The following PDIA3 variants were observed in gnomAD, a reference collection of about 807,000 sequenced individuals.
PDIA3 encodes protein disulfide isomerase family A member 3.
In PDIA3, 16 loss-of-function variants were observed where a neutral mutation model predicts 56.9. The observed-to-expected ratio is 0.28, with a 90% CI of 0.19 to 0.43. The LOEUF (loss-of-function observed/expected upper bound fraction) is 0.43, where lower values mean the gene tolerates loss of function less well. PDIA3 is among the 20% of genes least tolerant of loss of function. The probability of loss-of-function intolerance (pLI) is 1.00; values close to 1 mark genes in which losing one functional copy is unlikely to be tolerated. For missense variants in PDIA3, 485 were observed against 621.3 expected (o/e 0.78, Z 2.33); for synonymous variants, 192 against 216.5 (o/e 0.89, Z 0.99).
Position 43,746,452 on chromosome 15 carries a change from A to C in PDIA3, c.-88A>C. The C allele has an allele frequency of 1.7e-5, 22 of 1,289,158 alleles. No homozygotes were observed. Among genetic ancestry groups the C allele is most frequent in the Non-Finnish European group, 2.0e-5 (20 of 982,020 alleles). The allele number at this position is 1,289,158 out of a possible 1,614,324, so 79.9% of individuals were successfully genotyped here. ...CCGCCTGGGCCAGACGCGCGAGCGC[A>C]AGCAGCGGGTTAGTGGTCGCGCGCC... On this transcript the variant is annotated 5_prime_UTR_variant, in exon 1 of 13. Coordinates refer to ENST00000300289, the MANE Select transcript of PDIA3 (RefSeq NM_005313.5).
At chr15:43,753,405 G>T (rs1596019024) in intron 1 of PDIA3, among the ~76,000 whole-genome samples, 1 of 152,004 alleles carries the variant, frequency 6.6e-6, no homozygotes. Context: ...GGTTTCCCAG[G>T]GAATTGTATT....
At chr15:43,756,278 C>A (rs538938253) in intron 2 of PDIA3, among the ~76,000 whole-genome samples, 315 of 152,258 alleles carry the variant, frequency 2.1e-3, no homozygotes, top group South Asian at 4.6e-3. Flanking sequence ...ATCGATATAT[C>A]CCCTTGGTGA....
At chr15:43,756,139 C>T (rs1392985952) in intron 2 of PDIA3, among the ~76,000 whole-genome samples, 1 of 152,104 alleles carries the variant, frequency 6.6e-6, no homozygotes, top group East Asian at 1.9e-4. Context: ...CTCACTAGAT[C>T]GGTTATGTTA....
chr15:43,768,443 C>A (rs769490554), intron 8 of PDIA3, 46 bp from the exon 9 acceptor site: 2 of 1,369,568 alleles, frequency 1.5e-6, no homozygotes, highest in Non-Finnish European at 2.1e-6. Flanking sequence ...ATTTTCTCAG[C>A]GGTGGGAATA....
At position 43,771,020 on chromosome 15, in the gene PDIA3, C is replaced by G. The variant is rs1007037792; in HGVS notation, c.1405-85C>G. Reference sequence around the variant, plus strand: ...ATATGTGGCTGCTAATATGCTTTTACAAACTCAGAAGTCTTCCTGTTTGGG... The same window carrying G: ...ATATGTGGCTGCTAATATGCTTTTAGAAACTCAGAAGTCTTCCTGTTTGGG... On this transcript the variant is annotated intron_variant, in intron 12 of 12. Transcript: ENST00000300289. 7 of 844,290 alleles carry G rather than the reference C, an allele frequency of 8.3e-6. No homozygotes were observed. In the African/African-American group the frequency reaches 8.6e-5, roughly 10 times the overall value. The allele number at this position is 844,290 out of a possible 1,614,324, so 52.3% of individuals were successfully genotyped here.
At chr15:43,766,689 C>T (rs774456614) in intron 7 of PDIA3, 39 bp from the exon 8 acceptor site, 2 of 1,573,096 alleles carry the variant, frequency 1.3e-6, no homozygotes, top group Admixed American at 3.4e-5. Context: ...CTTGACCACC[C>T]TGTATAGTCT....
chr15:43,747,641 G>T (rs1260596280), intron 1 of PDIA3, among the ~76,000 whole-genome samples: 1 of 152,010 alleles, frequency 6.6e-6, no homozygotes, highest in East Asian at 1.9e-4. Context: ...TTATCCTGGG[G>T]ATAGCTCTCT....
rs556338099 is a variant in PDIA3 at position 43,751,531 on chromosome 15, A to G, written c.168-2293A>G. The G allele has an allele frequency of 1.5e-5, 17 of 1,158,406 alleles. No individual in the cohort carries two copies. In the African/African-American group the frequency reaches 1.8e-4, roughly 12 times the overall value. 71.8% of individuals were successfully genotyped at this position (1,158,406 alleles called of 1,614,324 possible). On this transcript the variant is annotated intron_variant, in intron 1 of 12. Coordinates refer to ENST00000300289, the MANE Select transcript of PDIA3 (RefSeq NM_005313.5). ...GGGTGGGTGAAAGAAGTAGTGGTTAATCTTGAAGGATGTATGTTAACCAAC... is the reference window on the plus strand; with the variant it reads ...GGGTGGGTGAAAGAAGTAGTGGTTAGTCTTGAAGGATGTATGTTAACCAAC...
rs748635851 is a variant in PDIA3, at chr15:43,770,292, A to G, written c.1309A>G (p.Thr437Ala). 9 of 1,614,182 alleles carry G rather than the reference A, an allele frequency of 5.6e-6. 1 individual carries two copies. The highest frequency in any genetic ancestry group is 1.6e-4 in the Middle Eastern group (1 of 6,062). ...PNIVIAKMDA[T>A]ANDVPSPYEV... ...TATCGTCATAGCCAAGATGGATGCC[A>G]CAGCCAATGATGTGCCTTCTCCATA... Residue 437 changes from threonine to alanine, a missense_variant, in exon 11 of 13, where the codon ACA becomes GCA. Physicochemically the swap from Thr to Ala is moderately conservative, Grantham distance 58. Coordinates refer to ENST00000300289, the MANE Select transcript of PDIA3 (RefSeq NM_005313.5).
chr15:43,759,811 C>T (rs2086802748), intron 3 of PDIA3, among the ~76,000 whole-genome samples: 1 of 152,108 alleles, frequency 6.6e-6, no homozygotes, highest in African/African-American at 2.4e-5. Flanking sequence ...AAGGGCCAGG[C>T]ATGGTGGCTC....
chr15:43,767,274 C>T (rs2086853245), intron 8 of PDIA3, among the ~76,000 whole-genome samples: 1 of 152,108 alleles, frequency 6.6e-6, no homozygotes, highest in African/African-American at 2.4e-5. Context: ...ATCGCTTGAA[C>T]CTGGGAGGCG....
At chr15:43,769,452 G>C (rs1302197322) in intron 9 of PDIA3, 66 bp from the exon 10 acceptor site, 2 of 1,494,690 alleles carry the variant, frequency 1.3e-6, no homozygotes, top group African/African-American at 1.4e-5. Flanking sequence ...ATTGGGTCTA[G>C]GAACAAATAC....
At chr15:43,757,130 A>G (rs2086783171) in intron 3 of PDIA3, among the ~76,000 whole-genome samples, 2 of 152,238 alleles carry the variant, frequency 1.3e-5, no homozygotes, top group African/African-American at 2.4e-5. Context: ...AGAAGGCAAC[A>G]AACAAGTTTT....
chr15:43,746,767 G>A, intron 1 of PDIA3, 61 bp downstream of exon 1: 1 of 1,579,488 alleles, frequency 6.3e-7, no homozygotes, highest in South Asian at 1.1e-5. Flanking sequence ...GCGAGAGCGC[G>A]GGGAACTGTT....
At chr15:43,756,498 G>A (rs182023573) in intron 2 of PDIA3, 151 bp from the exon 3 acceptor site, 2 of 601,206 alleles carry the variant, frequency 3.3e-6, no homozygotes, top group Non-Finnish European at 6.0e-6. Context: ...GCAAGCTCCA[G>A]TCTGCCTTTA....
At chr15:43,750,555 C>A (rs945404984) in intron 1 of PDIA3, among the ~76,000 whole-genome samples, 1 of 150,648 alleles carries the variant, frequency 6.6e-6, no homozygotes, top group Non-Finnish European at 1.5e-5. Context: ...GCGGGTGGAT[C>A]ACGAGGTCAA....
chr15:43,769,464 G>T lies in PDIA3; in HGVS notation c.1138-54G>T. On this transcript the variant is annotated intron_variant, in intron 9 of 12. Transcript: ENST00000300289. ...GGGATTGGGTCTAGGAACAAATACA[G>T]TTGTGAATTTATTTTTTTATGTTAC... is the stretch of plus-strand genomic sequence containing the variant. The T allele has an allele frequency of 5.8e-6, 9 of 1,564,568 alleles. No homozygotes were observed. The South Asian group carries it at 1.0e-4, about 18-fold the overall frequency.
At position 43,756,659 on chromosome 15, in the gene PDIA3, C is replaced by G. The variant is rs373449252; in HGVS notation, c.257C>G (p.Thr86Ser). 6.3e-7 allele frequency: 1 copy of G among 1,586,920 alleles called. No homozygotes were observed. The highest frequency in any genetic ancestry group is 8.6e-7 in the Non-Finnish European group (1 of 1,157,142). ...TATTTTGATCTTTAGGTTGATTGCA[C>G]TGCCAACACTAACACCTGTAATAAA... ...GIVPLAKVDC[T>S]ANTNTCNKYG... Residue 86 changes from threonine to serine, a missense_variant, in exon 3 of 13, where the codon ACT becomes AGT. By Grantham distance (58) the Thr-to-Ser change is moderately conservative. Coordinates refer to ENST00000300289, the MANE Select transcript of PDIA3 (RefSeq NM_005313.5).
At chr15:43,767,636 G>A (rs377097907) in intron 8 of PDIA3, among the ~76,000 whole-genome samples, 13 of 151,678 alleles carry the variant, frequency 8.6e-5, no homozygotes, top group East Asian at 3.9e-4. Flanking sequence ...CGGGTGTGAC[G>A]GTGCGCACCT....
Sources: allele counts gnomAD v4.1 joint callset (sites outside exome capture counted in the v4.1 genomes callset), GRCh38; gene constraint gnomAD v4.1.1; transcripts MANE v1.5; gene names NCBI Gene and HGNC (gene_info 2026-07-23, HGNC 2026-07-21).